The following CCDC117 variants were observed in gnomAD, a reference collection of about 807,000 sequenced individuals.
CCDC117 encodes the protein coiled-coil domain containing 117, also known as coiled-coil domain-containing protein 117.
Under a neutral mutation model 23.5 loss-of-function variants are expected in CCDC117, and 1 was observed. The observed-to-expected ratio is 0.04, with a 90% CI of 0.02 to 0.20. The LOEUF (loss-of-function observed/expected upper bound fraction) is 0.20. Ranked by LOEUF, CCDC117 falls within the 10% of genes least tolerant of loss-of-function variation. The pLI is 1.00. For missense variants in CCDC117, 383 were observed against 348.2 expected (o/e 1.10, Z -0.80); for synonymous variants, 132 against 124.8 (o/e 1.06, Z -0.39).
intron 3 of CCDC117, among the ~76,000 whole-genome samples, 173 bp from the exon 4 acceptor site, chr22:28,783,335 C>A (rs1046707516): frequency 6.6e-6 from 1 of 152,148 alleles, no homozygotes; most frequent in Non-Finnish European, 1.5e-5. Flanking sequence ...GCCACCACAC[C>A]CGGCCTGAGT....
At position 28,773,216 on chromosome 22, in the gene CCDC117, C is replaced by T. The variant is rs1365322301; in HGVS notation, c.185+182C>T. 1.2e-5 allele frequency: 2 copies of T among 171,574 alleles called. 1 individual carries two copies. The allele number at this position is 171,574 out of a possible 1,614,324, so 10.6% of individuals were successfully genotyped here. A position where few individuals can be genotyped will look rare whatever the true frequency, so the allele number is the denominator to read the frequency against. ...AGATGAAGAAACTGATCCCCGGAGA[C>T]GTTAACTGTAAGTCGCCGGGGGTCA... On this transcript the variant is annotated intron_variant, in intron 1 of 4. Transcript: ENST00000249064.
At chr22:28,780,590 GC>G (rs2031288273) in intron 2 of CCDC117, among the ~76,000 whole-genome samples, 1 of 152,136 alleles carries the variant, frequency 6.6e-6, no homozygotes, top group South Asian at 2.1e-4. Flanking sequence ...CATTCCAAGT[GC>G]TGGTATTACA....
At chr22:28,775,626 C>T (rs937744431) in intron 2 of CCDC117, among the ~76,000 whole-genome samples, 1 of 151,960 alleles carries the variant, frequency 6.6e-6, no homozygotes, top group East Asian at 1.9e-4. Flanking sequence ...AGGCCAGGCG[C>T]GGTGGCTCAC....
At chr22:28,778,660 A>G (rs180726722) in intron 2 of CCDC117, among the ~76,000 whole-genome samples, 38 of 152,320 alleles carry the variant, frequency 2.5e-4, no homozygotes, top group African/African-American at 7.7e-4. Context: ...TTAAGATGTT[A>G]TTATAGATGC....
chr22:28,777,495 GA>G (rs746830686), intron 2 of CCDC117, among the ~76,000 whole-genome samples: 1 of 151,230 alleles, frequency 6.6e-6, no homozygotes, highest in East Asian at 1.9e-4. Context: ...AGTGATACTG[GA>G]CATCTTTTCT....
intron 2 of CCDC117, among the ~76,000 whole-genome samples, chr22:28,779,140 T>C (rs935906434): frequency 8.5e-5 from 13 of 152,164 alleles, no homozygotes; most frequent in African/African-American, 3.1e-4. Context: ...TTCTGCTTTT[T>C]CTTAGCTGTT....
intron 2 of CCDC117, among the ~76,000 whole-genome samples, chr22:28,776,506 T>A (rs1470115076): frequency 6.6e-6 from 1 of 151,870 alleles, no homozygotes; most frequent in East Asian, 1.9e-4. Flanking sequence ...CACTGTCACC[T>A]CTGTCTCAGG....
chr22:28,785,941 AGAAAG>A (rs1254138720), intron 4 of CCDC117, 143 bp from the exon 5 acceptor site: 1 of 594,606 alleles, frequency 1.7e-6, no homozygotes, highest in East Asian at 2.9e-5. Context: ...AAAAAAAAAA[AGAAAG>A]TAAAGATCAG....
rs1569198966 is a variant in CCDC117 at position 28,781,349 on chromosome 22, T to TTTG, written c.464+179_464+180insGTT. ...TTTTTTGTTTTGTTTTTTTTTTTTT[T>TTTG]TTTTTTTTTTTTTTTTTTTGAGACG... is the stretch of plus-strand genomic sequence containing the variant. On this transcript the variant is annotated intron_variant, in intron 3 of 4. Coordinates refer to ENST00000249064, the MANE Select transcript of CCDC117 (RefSeq NM_173510.4). Among the ~76,000 whole-genome samples, 9 of 10,014 alleles carry TTTG rather than the reference T, an allele frequency of 9.0e-4. 3 individuals carry two copies. The highest frequency in any genetic ancestry group is 1.3e-3 in the Non-Finnish European group (9 of 6,720). The allele number at this position is 10,014 out of a possible 152,430, so 6.6% of individuals were successfully genotyped here.
At chr22:28,780,551 C>T (rs1019518334) in intron 2 of CCDC117, among the ~76,000 whole-genome samples, 1 of 152,096 alleles carries the variant, frequency 6.6e-6, no homozygotes, top group Non-Finnish European at 1.5e-5. Context: ...GTCTTGAACT[C>T]TGGGCTCAAG....
rs554928716 is a variant in CCDC117 at position 28,777,165 on chromosome 22, T to C, written c.239+3387T>C. The stretch of plus-strand genomic sequence containing the variant: ...GTGATTCTCCTGCCTCAGCCTCCCA[T>C]GTAGCTGGGACTACAGGCGTGTGAT... On this transcript the variant is annotated intron_variant, in intron 2 of 4. Transcript: ENST00000249064. 1.2e-4 allele frequency among the ~76,000 whole-genome samples: 18 copies of C among 150,214 alleles called. No individual in the cohort carries two copies. The South Asian group carries it at 2.8e-3, about 24-fold the overall frequency.
rs569653859 is a variant in CCDC117 at position 28,773,557 on chromosome 22, C to G, written c.186-168C>G. Among the ~76,000 whole-genome samples, 11 of 152,306 alleles carry G rather than the reference C, an allele frequency of 7.2e-5. No individual in the cohort carries two copies. The East Asian group carries it at 2.1e-3, about 29-fold the overall frequency. On this transcript the variant is annotated intron_variant, in intron 1 of 4. Transcript: ENST00000249064. ...ATTTCACTGTCCAGTTCTGTCGGGGCAATCCACCGTTACCCGACTGACCTG... is the reference window on the plus strand; with the variant it reads ...ATTTCACTGTCCAGTTCTGTCGGGGGAATCCACCGTTACCCGACTGACCTG...
rs2031325768 is a variant in CCDC117, at chr22:28,781,354, T to TTTG, written c.464+184_464+185insGTT. ...TGTTTTGTTTTTTTTTTTTTTTTTT[T>TTTG]TTTTTTTTTTTTTTGAGACGGAGTC... On this transcript the variant is annotated intron_variant, in intron 3 of 4. Transcript: ENST00000249064. 2.3e-4 allele frequency among the ~76,000 whole-genome samples: 3 copies of TTTG among 12,786 alleles called. 1 individual carries two copies. Among genetic ancestry groups the TTTG allele is most frequent in the Admixed American group, 7.3e-4 (1 of 1,372 alleles). The allele number at this position is 12,786 out of a possible 152,430, so 8.4% of individuals were successfully genotyped here.
chr22:28,783,707 A>C (rs776435860), intron 4 of CCDC117, 62 bp downstream of exon 4: 124 of 1,508,388 alleles, frequency 8.2e-5, no homozygotes, highest in Non-Finnish European at 1.1e-4. Flanking sequence ...CAATGTCTAG[A>C]TTCTGCCCAC....
In CCDC117 at chr22:28,786,613, G is replaced by A. The variant is rs2031519101; in HGVS notation, c.*287G>A. The A allele has an allele frequency of 3.3e-6, 1 of 301,140 alleles. No individual in the cohort carries two copies. Among genetic ancestry groups the A allele is most frequent in the Non-Finnish European group, 6.2e-6 (1 of 160,942 alleles). 18.7% of individuals were successfully genotyped at this position (301,140 alleles called of 1,614,324 possible). ...GTATAGAAGCTGTATGTGTAAGGGTGACTTAAATCATATGTCACATTGTCT... is the reference window on the plus strand; with the variant it reads ...GTATAGAAGCTGTATGTGTAAGGGTAACTTAAATCATATGTCACATTGTCT... On this transcript the variant is annotated 3_prime_UTR_variant, in exon 5 of 5. Coordinates refer to ENST00000249064, the MANE Select transcript of CCDC117 (RefSeq NM_173510.4).
At position 28,772,975 on chromosome 22, in the gene CCDC117, C is replaced by T. The variant is rs1006111814; in HGVS notation, c.126C>T (p.Ala42=). 2.5e-6 allele frequency: 3 copies of T among 1,204,646 alleles called. No individual in the cohort carries two copies. The highest frequency in any genetic ancestry group is 4.1e-5 in the South Asian group (1 of 24,588). 74.6% of individuals were successfully genotyped at this position (1,204,646 alleles called of 1,614,324 possible). The part of the protein sequence containing the change: ...FPPGADGAEL[A]PRPGPRAVPS... ...CGGGGGCTGACGGCGCCGAGTTGGC[C>T]CCGCGGCCGGGACCTCGCGCAGTCC... The change falls in exon 1 of 5, where the codon GCC becomes GCT. Residue 42 remains alanine, a synonymous_variant. Transcript: ENST00000249064.
chr22:28,785,677 TC>T (rs1186019894), intron 4 of CCDC117, among the ~76,000 whole-genome samples: 1 of 152,214 alleles, frequency 6.6e-6, no homozygotes, highest in Admixed American at 6.5e-5. Flanking sequence ...TTTAAATACT[TC>T]CAATCACAGC....
chr22:28,781,008 G>T lies in CCDC117; in HGVS notation c.300G>T (p.Trp100Cys). 6.2e-7 allele frequency: 1 copy of T among 1,614,072 alleles called. No homozygotes were observed. Among genetic ancestry groups the T allele is most frequent in the Non-Finnish European group, 8.5e-7 (1 of 1,179,990 alleles). The change falls in exon 3 of 5, where the codon TGG becomes TGT. Residue 100 changes from tryptophan (W) to cysteine (C), a missense_variant. By Grantham distance (215) the Trp-to-Cys change is radical (BLOSUM62 -2). Transcript: ENST00000249064. ...AGCTCTGTGCTGGTCCTAATGACTG[G>T]ATTCTTTGTGCACATCAGGATGTAG... ...EAELCAGPND[W>C]ILCAHQDVEG...
chr22:28,784,080 C>T (rs1053580358), intron 4 of CCDC117, among the ~76,000 whole-genome samples: 1 of 152,220 alleles, frequency 6.6e-6, no homozygotes, highest in African/African-American at 2.4e-5. Context: ...CAAAACAAAG[C>T]TCATATTCTT....
Sources: gnomAD v4.1 joint callset for allele counts (sites outside exome capture counted in the v4.1 genomes callset) on GRCh38, gnomAD v4.1.1 for gene constraint, MANE v1.5 for transcripts, NCBI Gene and HGNC (gene_info 2026-07-23, HGNC 2026-07-21) for gene names.